Variants in ZMIZ1 observed in about 807,000 individuals in gnomAD.
ZMIZ1 encodes zinc finger MIZ-type containing 1.
A neutral mutation model predicts 113.9 loss-of-function variants in ZMIZ1; 17 were observed. That is an observed-to-expected ratio of 0.15 (90% CI 0.10 to 0.22). The LOEUF (loss-of-function observed/expected upper bound fraction) is 0.22, where lower values mean the gene tolerates loss of function less well. Among genes scored for constraint, ZMIZ1 ranks in the 10% least tolerant of loss-of-function variants. The probability of loss-of-function intolerance (pLI) is 1.00; values close to 1 mark genes in which losing one functional copy is unlikely to be tolerated. For missense variants in ZMIZ1, 1,059 were observed against 1,477.8 expected, an observed-to-expected ratio of 0.72 and a Z score of 4.65; for synonymous variants, 607 against 603.1, an observed-to-expected ratio of 1.01 and a Z score of -0.09.
At chr10:79,260,373 C>A (rs114648081) in intron 7 of ZMIZ1, among the ~76,000 whole-genome samples, 1 of 152,042 alleles carries the variant, frequency 6.6e-6, no homozygotes, top group Non-Finnish European at 1.5e-5. Flanking sequence ...TAGAGGGAGT[C>A]GGTGGTGGGG....
At chr10:79,071,299 T>G (rs533412710) in intron 1 of ZMIZ1, among the ~76,000 whole-genome samples, 1 of 152,288 alleles carries the variant, frequency 6.6e-6, no homozygotes, top group East Asian at 1.9e-4. Flanking sequence ...CAGTGCCGAC[T>G]CCTCCTCCCT....
chr10:79,287,222 C>G (rs981280898), intron 8 of ZMIZ1, among the ~76,000 whole-genome samples: 1 of 152,244 alleles, frequency 6.6e-6, no homozygotes, highest in African/African-American at 2.4e-5. Flanking sequence ...TCCAGCCCAG[C>G]CTTCCTGAGG....
chr10:79,173,665 AGT>A (rs1846699052), intron 4 of ZMIZ1, among the ~76,000 whole-genome samples: 1 of 152,206 alleles, frequency 6.6e-6, no homozygotes, highest in Admixed American at 6.5e-5. Context: ...TATCCTGTAG[AGT>A]GTGTGTTATG....
intron 18 of ZMIZ1, among the ~76,000 whole-genome samples, chr10:79,302,606 G>A (rs528868246): frequency 6.6e-6 from 1 of 151,000 alleles, no homozygotes; most frequent in Admixed American, 6.6e-5. Context: ...AGGATTTAGA[G>A]AAGAGGGGAT....
intron 4 of ZMIZ1, among the ~76,000 whole-genome samples, chr10:79,182,575 G>C (rs1446127742): frequency 6.6e-6 from 1 of 152,220 alleles, no homozygotes; most frequent in African/African-American, 2.4e-5. Flanking sequence ...ATACCAGCAA[G>C]GTGACCCCAG....
chr10:79,096,552 A>G (rs943285232), intron 1 of ZMIZ1, among the ~76,000 whole-genome samples: 1 of 152,238 alleles, frequency 6.6e-6, no homozygotes, highest in African/African-American at 2.4e-5. Flanking sequence ...AGACGGCTTC[A>G]AAGAACCTCC....
intron 1 of ZMIZ1, among the ~76,000 whole-genome samples, chr10:79,084,074 T>G (rs1589252825): frequency 6.6e-6 from 1 of 152,198 alleles, no homozygotes; most frequent in African/African-American, 2.4e-5. Context: ...CACCATAGTT[T>G]CCCAACATGT....
At chr10:79,135,759 G>A (rs554583388) in intron 2 of ZMIZ1, among the ~76,000 whole-genome samples, 5 of 152,230 alleles carry the variant, frequency 3.3e-5, no homozygotes, top group African/African-American at 7.2e-5. Flanking sequence ...TTCCCAAAGC[G>A]TCAGTCTCCT....
intron 5 of ZMIZ1, among the ~76,000 whole-genome samples, chr10:79,203,894 T>TGCGTGCACACACAC (rs1848207314): frequency 6.6e-6 from 1 of 152,204 alleles, no homozygotes; most frequent in African/African-American, 2.4e-5. Context: ...GGCACACACA[T>TGCGTGCACACACAC]GCGTGCACAC....
At chr10:79,237,362 C>T (rs76488543) in intron 7 of ZMIZ1, among the ~76,000 whole-genome samples, 2,045 of 152,308 alleles carry the variant, frequency 0.013, 18 homozygotes, top group Middle Eastern at 0.037. Context: ...TAGGTTTTAA[C>T]GGATCCTCCA....
chr10:79,105,747 G>T (rs1843531252), intron 1 of ZMIZ1, among the ~76,000 whole-genome samples: 1 of 152,194 alleles, frequency 6.6e-6, no homozygotes, highest in South Asian at 2.1e-4. Flanking sequence ...TGTATTTAAG[G>T]TAGTAATATA....
intron 5 of ZMIZ1, among the ~76,000 whole-genome samples, chr10:79,203,188 A>G (rs1589419095): frequency 6.6e-6 from 1 of 152,118 alleles, no homozygotes; most frequent in East Asian, 1.9e-4. Context: ...GAGGGCCAGG[A>G]CCCAGACGGA....
At chr10:79,208,242 G>T (rs75688184) in intron 5 of ZMIZ1, 94 bp from the exon 6 acceptor site, 1 of 1,046,070 alleles carries the variant, frequency 9.6e-7, no homozygotes, top group Non-Finnish European at 1.5e-6. Flanking sequence ...CTCCTCCCCA[G>T]TGAGGCTGGG....
chr10:79,264,002 C>T (rs1851424787), intron 7 of ZMIZ1, among the ~76,000 whole-genome samples: 1 of 152,156 alleles, frequency 6.6e-6, no homozygotes, highest in African/African-American at 2.4e-5. Flanking sequence ...CCCTCCTTAC[C>T]CTTCCATCTC....
chr10:79,189,784 T>G (rs116252577), intron 4 of ZMIZ1, among the ~76,000 whole-genome samples: 2,450 of 152,302 alleles, frequency 0.016, 63 homozygotes, highest in African/African-American at 0.056. Flanking sequence ...GATTTTTGTC[T>G]CTGTTGGTTT....
At chr10:79,128,504 C>G (rs898939109) in intron 2 of ZMIZ1, among the ~76,000 whole-genome samples, 1 of 152,148 alleles carries the variant, frequency 6.6e-6, no homozygotes, top group African/African-American at 2.4e-5. Context: ...CAGAATGAAT[C>G]GCAGTGGGCA....
chr10:79,177,078 C>G (rs1171817842), intron 4 of ZMIZ1, among the ~76,000 whole-genome samples: 1 of 152,250 alleles, frequency 6.6e-6, no homozygotes, highest in Non-Finnish European at 1.5e-5. Flanking sequence ...AGGGCCTGGG[C>G]TTGCTCTCCC....
At chr10:79,126,710 C>T (rs1003948579) in intron 2 of ZMIZ1, among the ~76,000 whole-genome samples, 3 of 152,210 alleles carry the variant, frequency 2.0e-5, no homozygotes, top group African/African-American at 7.2e-5. Context: ...ATCACTGCCC[C>T]ACTTTTGTGC....
At chr10:79,277,118 GGGGTCTTGGTGT>G in intron 7 of ZMIZ1, 51 bp from the exon 8 acceptor site, 1 of 1,446,978 alleles carries the variant, frequency 6.9e-7, no homozygotes, top group Non-Finnish European at 9.1e-7. Context: ...GAGTTGGGGG[GGGGTCTTGGTGT>G]GGCAGAGCAT....
Sources: allele counts gnomAD v4.1 joint callset (sites outside exome capture counted in the v4.1 genomes callset), GRCh38; gene constraint gnomAD v4.1.1; transcripts MANE v1.5; gene names NCBI Gene and HGNC (gene_info 2026-07-23, HGNC 2026-07-21).